Variants in SOX5 observed in about 807,000 individuals in gnomAD.
SOX5 encodes the protein SRY-box transcription factor 5.
In SOX5, 9 loss-of-function variants were observed where a neutral mutation model predicts 92.0. The observed-to-expected ratio is 0.10, with a 90% CI of 0.06 to 0.17. The LOEUF is 0.17. Among genes scored for constraint, SOX5 ranks in the 10% least tolerant of loss-of-function variants. The pLI is 1.00. For missense variants in SOX5, 642 were observed against 944.5 expected (o/e 0.68, Z 4.20); for synonymous variants, 344 against 336.3 (o/e 1.02, Z -0.25).
At chr12:24,164,378 A>C (rs1953139165) in intron 4 of SOX5, among the ~76,000 whole-genome samples, 1 of 152,090 alleles carries the variant, frequency 6.6e-6, no homozygotes, top group Admixed American at 6.6e-5. Context: ...TCCAACATAC[A>C]TATATATTTT....
intron 2 of SOX5, among the ~76,000 whole-genome samples, chr12:24,359,574 A>C (rs1404637671): frequency 2.6e-5 from 4 of 152,232 alleles, no homozygotes; most frequent in Admixed American, 2.6e-4. Flanking sequence ...AGAGATCTGA[A>C]TAATTCAGAC....
intron 2 of SOX5, among the ~76,000 whole-genome samples, chr12:23,893,952 T>C (rs1210420813): frequency 6.6e-6 from 1 of 152,208 alleles, no homozygotes; most frequent in Non-Finnish European, 1.5e-5. Flanking sequence ...ATATGAAATA[T>C]GCCTGTGCTC....
chr12:23,997,999 G>A (rs969939), intron 4 of SOX5, among the ~76,000 whole-genome samples: 97,070 of 151,782 alleles, frequency 0.64, 31,122 homozygotes, highest in Non-Finnish European at 0.66. Context: ...CAGCATTGCT[G>A]TATTATCAAA....
intron 2 of SOX5, among the ~76,000 whole-genome samples, chr12:24,296,525 C>T (rs962120419): frequency 1.3e-5 from 2 of 152,182 alleles, no homozygotes; most frequent in Admixed American, 1.3e-4. Flanking sequence ...CCCTTCTTGA[C>T]ACAGTTGTCA....
At chr12:23,792,420 C>T (rs746884238) in intron 3 of SOX5, among the ~76,000 whole-genome samples, 2 of 151,410 alleles carry the variant, frequency 1.3e-5, no homozygotes, top group South Asian at 2.1e-4. Context: ...GTCAGAAGTT[C>T]GAGACCAGCG....
chr12:24,435,091 C>G (rs1187735199), intron 1 of SOX5, among the ~76,000 whole-genome samples: 1 of 152,202 alleles, frequency 6.6e-6, no homozygotes. Context: ...TCCTTTGCCA[C>G]AGGAAGGGCA....
chr12:23,985,837 T>C (rs945835853), intron 4 of SOX5, among the ~76,000 whole-genome samples: 1 of 152,170 alleles, frequency 6.6e-6, no homozygotes, highest in Non-Finnish European at 1.5e-5. Context: ...AGGGTTGTAT[T>C]CTTTTCTGGA....
intron 1 of SOX5, among the ~76,000 whole-genome samples, chr12:24,375,112 A>G (rs1248841554): frequency 1.3e-5 from 2 of 151,694 alleles, no homozygotes; most frequent in Non-Finnish European, 2.9e-5. Context: ...AGCTGGAACT[A>G]CAGGCGCCCG....
intron 1 of SOX5, among the ~76,000 whole-genome samples, chr12:24,487,098 G>A (rs111449516): frequency 8.7e-4 from 133 of 152,180 alleles, no homozygotes; most frequent in Admixed American, 5.2e-3. Context: ...ATCAATCCAC[G>A]GAGCCAGTGT....
chr12:24,505,208 G>A (rs1181628453), intron 1 of SOX5, among the ~76,000 whole-genome samples: 1 of 152,104 alleles, frequency 6.6e-6, no homozygotes, highest in Non-Finnish European at 1.5e-5. Flanking sequence ...TGCTAAATTA[G>A]ATCAACATCT....
chr12:24,285,541 G>C (rs190852366), intron 2 of SOX5, among the ~76,000 whole-genome samples: 10 of 152,276 alleles, frequency 6.6e-5, no homozygotes, highest in African/African-American at 1.9e-4. Context: ...ACTGGTTCTG[G>C]AAATTCTACA....
At chr12:24,520,790 A>G (rs1276063638) in intron 1 of SOX5, among the ~76,000 whole-genome samples, 2 of 152,348 alleles carry the variant, frequency 1.3e-5, no homozygotes, top group South Asian at 4.1e-4. Flanking sequence ...AAGTGAAAGG[A>G]TGGGAAAAGG....
At chr12:23,821,587 T>C (rs2096118430) in intron 3 of SOX5, among the ~76,000 whole-genome samples, 1 of 151,590 alleles carries the variant, frequency 6.6e-6, no homozygotes, top group Non-Finnish European at 1.5e-5. Context: ...TATTGAGTGT[T>C]TTAGCATGAG....
intron 3 of SOX5, among the ~76,000 whole-genome samples, chr12:23,808,593 T>C (rs1396255393): frequency 6.6e-6 from 1 of 152,188 alleles, no homozygotes; most frequent in Non-Finnish European, 1.5e-5. Flanking sequence ...CAAGCATGCA[T>C]ATATACTATA....
At chr12:23,972,006 T>C (rs1380081751) in intron 4 of SOX5, among the ~76,000 whole-genome samples, 1 of 152,198 alleles carries the variant, frequency 6.6e-6, no homozygotes, top group Non-Finnish European at 1.5e-5. Context: ...TACTGTAGTA[T>C]CCATTTGGGC....
At chr12:23,808,803 T>C (rs1224080493) in intron 3 of SOX5, among the ~76,000 whole-genome samples, 1 of 152,146 alleles carries the variant, frequency 6.6e-6, no homozygotes, top group Admixed American at 6.5e-5. Context: ...AACAGTAATG[T>C]CATATGTTCT....
chr12:23,797,585 G>A (rs1033564456), intron 3 of SOX5, among the ~76,000 whole-genome samples: 2 of 152,106 alleles, frequency 1.3e-5, no homozygotes, highest in Admixed American at 1.3e-4. Flanking sequence ...AGAGCTCCAG[G>A]AGTGAGAGCA....
At chr12:24,556,792 A>T (rs1212224257) in intron 1 of SOX5, among the ~76,000 whole-genome samples, 1 of 152,220 alleles carries the variant, frequency 6.6e-6, no homozygotes, top group African/African-American at 2.4e-5. Flanking sequence ...CACCTTAATA[A>T]AACCACATTG....
chr12:23,681,849 T>C (rs996839269), intron 6 of SOX5, among the ~76,000 whole-genome samples: 2 of 151,826 alleles, frequency 1.3e-5, no homozygotes, highest in Non-Finnish European at 3.0e-5. Context: ...AAATAGTTTA[T>C]AATGAACTAA....
Sources: gnomAD v4.1 joint callset for allele counts (sites outside exome capture counted in the v4.1 genomes callset) on GRCh38, gnomAD v4.1.1 for gene constraint, MANE v1.5 for transcripts, NCBI Gene and HGNC (gene_info 2026-07-23, HGNC 2026-07-21) for gene names.